ROBO1: variants seen among roughly 807,000 people sequenced by gnomAD.
ROBO1 encodes roundabout guidance receptor 1, also known as roundabout homolog 1.
Under a neutral mutation model 195.9 loss-of-function variants are expected in ROBO1, and 149 were observed. The ratio of observed to expected loss-of-function variants is 0.76; its 90% confidence interval spans 0.67 to 0.87. The LOEUF (loss-of-function observed/expected upper bound fraction) is 0.87. Ranked by LOEUF, ROBO1 falls within the 40% of genes least tolerant of loss-of-function variation. The pLI, the probability that ROBO1 is intolerant of heterozygous loss-of-function variation, is 0.00. For missense variants in ROBO1, 1,933 were observed against 2,068.3 expected (o/e 0.93, Z 1.27); for synonymous variants, 816 against 733.2 (o/e 1.11, Z -1.82).
intron 2 of ROBO1, among the ~76,000 whole-genome samples, chr3:79,308,637 T>C (rs1245038075): frequency 6.6e-6 from 1 of 152,102 alleles, no homozygotes; most frequent in Non-Finnish European, 1.5e-5. Flanking sequence ...TATTGAAGTG[T>C]TCTGGGAAGT....
intron 1 of ROBO1, among the ~76,000 whole-genome samples, chr3:79,682,076 T>C (rs907482783): frequency 5.3e-5 from 8 of 151,998 alleles, no homozygotes; most frequent in African/African-American, 1.7e-4. Flanking sequence ...GCCTCAGGCA[T>C]TGAATATTTT....
chr3:79,138,304 G>C (rs2080456257), intron 2 of ROBO1, among the ~76,000 whole-genome samples: 1 of 151,836 alleles, frequency 6.6e-6, no homozygotes, highest in Non-Finnish European at 1.5e-5. Context: ...TTTTTTTGTT[G>C]AATGACTAGA....
At chr3:79,041,533 AAC>A (rs2078487645) in intron 3 of ROBO1, among the ~76,000 whole-genome samples, 1 of 152,056 alleles carries the variant, frequency 6.6e-6, no homozygotes, top group African/African-American at 2.4e-5. Flanking sequence ...ATATCAAATT[AAC>A]AGTTATATTT....
chr3:78,702,207 T>A (rs1188984018), intron 8 of ROBO1, among the ~76,000 whole-genome samples: 1 of 152,210 alleles, frequency 6.6e-6, no homozygotes, highest in Non-Finnish European at 1.5e-5. Context: ...AAAACAAGAA[T>A]TCTATTCAGC....
chr3:79,547,184 CAAAAAAAAAAA>C (rs1162585941), intron 2 of ROBO1, among the ~76,000 whole-genome samples: 4 of 23,276 alleles, frequency 1.7e-4, no homozygotes, highest in African/African-American at 2.9e-4. Flanking sequence ...GACTCCGCCT[CAAAAAAAAAAA>C]AAAAAAAAAA....
At chr3:78,655,557 T>C (rs1204899127) in intron 18 of ROBO1, among the ~76,000 whole-genome samples, 1 of 152,178 alleles carries the variant, frequency 6.6e-6, no homozygotes, top group Non-Finnish European at 1.5e-5. Context: ...TTGGTAGACG[T>C]TATTGTCTTA....
intron 2 of ROBO1, among the ~76,000 whole-genome samples, chr3:79,268,858 A>C (rs2108963835): frequency 6.6e-6 from 1 of 151,810 alleles, no homozygotes; most frequent in South Asian, 2.1e-4. Context: ...AATCTGGATT[A>C]ATTACGATTA....
chr3:78,600,328 T>A lies in ROBO1; in HGVS notation c.4745-19A>T. ...ATATCCTCTGTGTAATGAAATATAATAAATGCAGGTGAGTACCATCATACA... is the reference window on the plus strand; with the variant it reads ...ATATCCTCTGTGTAATGAAATATAAAAAATGCAGGTGAGTACCATCATACA... On this transcript the variant is annotated intron_variant, in intron 29 of 30. Transcript: ENST00000464233. 6.7e-7 allele frequency: 1 copy of A among 1,488,522 alleles called. No individual in the cohort carries two copies. The highest frequency in any genetic ancestry group is 9.4e-7 in the Non-Finnish European group (1 of 1,067,372). The allele number at this position is 1,488,522 out of a possible 1,614,324, so 92.2% of individuals were successfully genotyped here. A position where few individuals can be genotyped will look rare whatever the true frequency, so the allele number is the denominator to read the frequency against.
In ROBO1 at chr3:78,617,762, G is replaced by A. The variant is rs536505138; in HGVS notation, c.4155C>T (p.Ser1385=). The stretch of plus-strand genomic sequence containing the variant: ...CCGAAGAACTAACACTGGAGCGTCC[G>A]CTGGAAATGTTGTCCTCCTCTGAGG... ...GSASEEDNIS[S]GRSSVSSSDG... The change falls in exon 27 of 31, where the codon AGC becomes AGT. Residue 1385 remains serine, a synonymous_variant. Coordinates refer to ENST00000464233, the MANE Select transcript of ROBO1 (RefSeq NM_002941.4). The A allele has an allele frequency of 4.1e-5, 66 of 1,613,780 alleles. No individual in the cohort carries two copies. Among genetic ancestry groups the A allele is most frequent in the African/African-American group, 3.2e-4 (24 of 74,916 alleles).
chr3:78,769,275 A>T (rs2083306547), intron 4 of ROBO1, among the ~76,000 whole-genome samples: 1 of 152,126 alleles, frequency 6.6e-6, no homozygotes, highest in African/African-American at 2.4e-5. Flanking sequence ...TAGGATTGTG[A>T]TATTTTCCTG....
At chr3:78,863,830 C>T (rs976208648) in intron 4 of ROBO1, among the ~76,000 whole-genome samples, 3 of 152,134 alleles carry the variant, frequency 2.0e-5, no homozygotes, top group African/African-American at 4.8e-5. Flanking sequence ...GTCCCTCCAC[C>T]GTCAAAATCA....
intron 3 of ROBO1, among the ~76,000 whole-genome samples, chr3:78,974,578 G>A (rs978312055): frequency 2.0e-5 from 3 of 152,144 alleles, no homozygotes; most frequent in African/African-American, 7.2e-5. Context: ...TGCATGGTTT[G>A]TAAAATAGGC....
Position 78,939,479 on chromosome 3 carries a change from G to A in ROBO1, c.173-552C>T, listed in dbSNP as rs367887334. Among the ~76,000 whole-genome samples, 6 of 150,834 alleles carry A rather than the reference G, an allele frequency of 4.0e-5. No individual in the cohort carries two copies. In the South Asian group the frequency reaches 6.3e-4, roughly 16 times the overall value. ...AAAAAAAAAAAAAAATTAGCCTGGC[G>A]TGGTGGCGGACACCTGAAGTCCCAG... On this transcript the variant is annotated intron_variant, in intron 3 of 30. Transcript: ENST00000464233.
At chr3:79,232,895 C>T (rs966424939) in intron 2 of ROBO1, among the ~76,000 whole-genome samples, 8 of 152,026 alleles carry the variant, frequency 5.3e-5, no homozygotes, top group African/African-American at 1.9e-4. Flanking sequence ...ATATGAGTGA[C>T]ACAAACAGGG....
intron 2 of ROBO1, among the ~76,000 whole-genome samples, chr3:79,489,243 C>T (rs1939322718): frequency 6.6e-6 from 1 of 151,850 alleles, no homozygotes; most frequent in Non-Finnish European, 1.5e-5. Flanking sequence ...TATTTCTTAA[C>T]ATGAATGTGA....
intron 4 of ROBO1, among the ~76,000 whole-genome samples, chr3:78,849,064 T>C (rs1397098549): frequency 6.6e-6 from 1 of 152,032 alleles, no homozygotes; most frequent in African/African-American, 2.4e-5. Flanking sequence ...GGTGACATCA[T>C]GGGATTGAAG....
chr3:79,014,042 C>G (rs758106264), intron 3 of ROBO1, among the ~76,000 whole-genome samples: 4 of 152,072 alleles, frequency 2.6e-5, no homozygotes, highest in Non-Finnish European at 5.9e-5. Flanking sequence ...TAAAAAAAAA[C>G]TGTTCAATTG....
intron 2 of ROBO1, among the ~76,000 whole-genome samples, chr3:79,556,943 C>T (rs928707912): frequency 6.7e-6 from 1 of 149,378 alleles, no homozygotes; most frequent in African/African-American, 2.4e-5. Flanking sequence ...TATTTTTTAT[C>T]TCATTTTATA....
intron 4 of ROBO1, 123 bp downstream of exon 4, chr3:78,938,478 A>G: frequency 2.6e-6 from 2 of 756,764 alleles, no homozygotes; most frequent in Non-Finnish European, 4.2e-6. Flanking sequence ...ATTCACATAC[A>G]AAGCTAGAGT....
Sources: allele counts gnomAD v4.1 joint callset (sites outside exome capture counted in the v4.1 genomes callset), GRCh38; gene constraint gnomAD v4.1.1; transcripts MANE v1.5; gene names NCBI Gene and HGNC (gene_info 2026-07-23, HGNC 2026-07-21).